The following CCSER1 variants were observed in gnomAD, a reference collection of about 807,000 sequenced individuals.
CCSER1 encodes coiled-coil serine rich protein 1.
CCSER1 carries 41 observed loss-of-function variants against 82.0 expected under a neutral mutation model. The observed-to-expected ratio is 0.50, with a 90% confidence interval of 0.39 to 0.65. The LOEUF is 0.65. Ranked by LOEUF, CCSER1 falls within the 30% of genes least tolerant of loss-of-function variation. CCSER1 has a pLI of 0.00. For missense variants in CCSER1, 1,119 were observed against 1,064.2 expected (o/e 1.05, Z -0.72); for synonymous variants, 414 against 383.9 (o/e 1.08, Z -0.92).
intron 10 of CCSER1, among the ~76,000 whole-genome samples, chr4:91,214,959 G>T (rs1165447931): frequency 1.3e-5 from 2 of 151,986 alleles, no homozygotes; most frequent in East Asian, 3.9e-4. Flanking sequence ...GAAATTACAA[G>T]ACTCTGAAAT....
intron 5 of CCSER1, among the ~76,000 whole-genome samples, chr4:90,484,913 G>C (rs941339248): frequency 6.6e-6 from 1 of 152,142 alleles, no homozygotes; most frequent in Non-Finnish European, 1.5e-5. Context: ...TGTCAGACAG[G>C]GACATTTAAG....
chr4:91,079,509 C>T (rs964736103), intron 9 of CCSER1, among the ~76,000 whole-genome samples: 2 of 152,142 alleles, frequency 1.3e-5, no homozygotes, highest in Non-Finnish European at 2.9e-5. Context: ...GAAGTTGCAT[C>T]AACTAATGAG....
At chr4:91,230,816 T>C (rs1738569636) in intron 10 of CCSER1, among the ~76,000 whole-genome samples, 1 of 151,856 alleles carries the variant, frequency 6.6e-6, no homozygotes, top group Admixed American at 6.6e-5. Flanking sequence ...CTTTAAAATA[T>C]ACAAAATAAT....
chr4:90,384,912 G>A lies in CCSER1; in HGVS notation c.1510-15124G>A, dbSNP rs577611895. On this transcript the variant is annotated intron_variant, in intron 3 of 10. Coordinates refer to ENST00000509176, the MANE Select transcript of CCSER1 (RefSeq NM_001145065.2). ...TGCACCATTCCTCTGAGTCTCCAGT[G>A]TCTATTATACCACTCTGTATGGCCC... Among the ~76,000 whole-genome samples the A allele has an allele frequency of 1.9e-3, 289 of 152,194 alleles. 1 individual carries two copies. Among genetic ancestry groups the A allele is most frequent in the African/African-American group, 6.7e-3 (276 of 41,502 alleles).
intron 4 of CCSER1, among the ~76,000 whole-genome samples, chr4:90,408,097 G>A (rs562200149): frequency 1.1e-4 from 16 of 152,332 alleles, no homozygotes; most frequent in South Asian, 1.0e-3. Flanking sequence ...AGGGGCACCC[G>A]CCATTGCCCA....
At chr4:90,145,253 T>A (rs1383014061) in intron 1 of CCSER1, among the ~76,000 whole-genome samples, 1 of 152,096 alleles carries the variant, frequency 6.6e-6, no homozygotes, top group Non-Finnish European at 1.5e-5. Context: ...ACAAACAAAA[T>A]ACATCATTTT....
At chr4:90,339,679 C>A (rs1741040285) in intron 3 of CCSER1, among the ~76,000 whole-genome samples, 1 of 152,070 alleles carries the variant, frequency 6.6e-6, no homozygotes, top group African/African-American at 2.4e-5. Context: ...CCCTCATTTT[C>A]TTTGGGTTTC....
chr4:91,195,336 G>A (rs926650221), intron 10 of CCSER1, among the ~76,000 whole-genome samples: 12 of 152,218 alleles, frequency 7.9e-5, no homozygotes, highest in Non-Finnish European at 1.3e-4. Context: ...AGCTCCTGTT[G>A]GTAAATTCTA....
intron 9 of CCSER1, among the ~76,000 whole-genome samples, chr4:91,037,257 CAT>C (rs753243730): frequency 0.018 from 1,392 of 77,994 alleles, 34 homozygotes; most frequent in African/African-American, 0.051. Context: ...CACACACACA[CAT>C]ACATACACAC....
chr4:91,187,124 C>G (rs533109291), intron 10 of CCSER1, among the ~76,000 whole-genome samples: 3 of 152,194 alleles, frequency 2.0e-5, no homozygotes, highest in Non-Finnish European at 4.4e-5. Context: ...AGGTGATGCC[C>G]CACCTTGCTT....
intron 1 of CCSER1, among the ~76,000 whole-genome samples, chr4:90,290,387 TACAA>T (rs1159666390): frequency 6.6e-6 from 1 of 151,972 alleles, no homozygotes; most frequent in Non-Finnish European, 1.5e-5. Context: ...GTGGTTTTTC[TACAA>T]ACAAAGCAAA....
chr4:90,267,167 A>C (rs7685486), intron 1 of CCSER1, among the ~76,000 whole-genome samples: 7,364 of 151,992 alleles, frequency 0.048, 477 homozygotes, highest in African/African-American at 0.15. Context: ...ACTGAAGAGT[A>C]CTTGGGCCTT....
chr4:91,396,192 C>G (rs1578355370), intron 10 of CCSER1, among the ~76,000 whole-genome samples: 2 of 152,092 alleles, frequency 1.3e-5, no homozygotes. Flanking sequence ...TTCTCTGTTA[C>G]TCCAAACTAA....
intron 10 of CCSER1, among the ~76,000 whole-genome samples, chr4:91,096,564 C>T (rs1724536533): frequency 6.6e-6 from 1 of 152,164 alleles, no homozygotes; most frequent in Non-Finnish European, 1.5e-5. Context: ...TTATGCCATA[C>T]CTTTGAAACC....
At chr4:90,330,867 C>G (rs1337854479) in intron 3 of CCSER1, among the ~76,000 whole-genome samples, 1 of 152,064 alleles carries the variant, frequency 6.6e-6, no homozygotes, top group Non-Finnish European at 1.5e-5. Flanking sequence ...TTTTTTGATT[C>G]AGTGCAGTGG....
intron 8 of CCSER1, among the ~76,000 whole-genome samples, chr4:90,894,509 A>T (rs898273755): frequency 1.3e-5 from 2 of 151,942 alleles, no homozygotes; most frequent in Admixed American, 6.6e-5. Context: ...TTACTCCCCA[A>T]AACAACTTGT....
intron 10 of CCSER1, among the ~76,000 whole-genome samples, chr4:91,460,770 C>T (rs774120094): frequency 6.6e-6 from 1 of 152,058 alleles, no homozygotes; most frequent in Non-Finnish European, 1.5e-5. Flanking sequence ...ACACTTTCAT[C>T]CATAAATGTG....
At chr4:91,208,696 A>G (rs1453513238) in intron 10 of CCSER1, among the ~76,000 whole-genome samples, 1 of 151,942 alleles carries the variant, frequency 6.6e-6, no homozygotes, top group Non-Finnish European at 1.5e-5. Flanking sequence ...TTCCTTAGCT[A>G]TTCAGGCTCT....
intron 4 of CCSER1, among the ~76,000 whole-genome samples, chr4:90,447,007 T>C (rs1760754163): frequency 6.6e-6 from 1 of 152,234 alleles, no homozygotes; most frequent in Non-Finnish European, 1.5e-5. Flanking sequence ...TGTGTGTTGA[T>C]CTGCTACTTA....
Sources: allele counts gnomAD v4.1 joint callset (sites outside exome capture counted in the v4.1 genomes callset), GRCh38; gene constraint gnomAD v4.1.1; transcripts MANE v1.5; gene names NCBI Gene and HGNC (gene_info 2026-07-23, HGNC 2026-07-21).